The following FBXW7 variants were observed in gnomAD, a reference collection of about 807,000 sequenced individuals.
The protein encoded by FBXW7 is F-box/WD repeat-containing protein 7.
A neutral mutation model predicts 86.3 loss-of-function variants in FBXW7; 11 were observed. The observed-to-expected ratio is 0.13, with a 90% CI of 0.08 to 0.21. FBXW7 has a LOEUF of 0.21. Among genes scored for constraint, FBXW7 ranks in the 10% least tolerant of loss-of-function variants. FBXW7 has a pLI of 1.00. For synonymous variants in FBXW7, 313 were observed against 297.9 expected (o/e 1.05, Z -0.52); for missense variants, 488 against 847.4 (o/e 0.58, Z 5.27).
At chr4:152,520,926 T>C (rs1038548256) in intron 2 of FBXW7, among the ~76,000 whole-genome samples, 1 of 152,216 alleles carries the variant, frequency 6.6e-6, no homozygotes, top group Non-Finnish European at 1.5e-5. Context: ...TTCTAATTCA[T>C]TCAACAAATA....
chr4:152,530,603 T>C (rs1233873921), intron 2 of FBXW7: 1 of 152,244 alleles, frequency 6.6e-6, no homozygotes, highest in African/African-American at 2.4e-5. Context: ...AAGGCAAAAG[T>C]ATTTTGTACA....
intron 2 of FBXW7, among the ~76,000 whole-genome samples, chr4:152,524,397 A>C (rs561224827): frequency 1.3e-5 from 2 of 152,316 alleles, no homozygotes; most frequent in South Asian, 2.1e-4. Context: ...TGTAAGTCAA[A>C]AACTCTTTGG....
chr4:152,467,433 A>G (rs1185730063), intron 2 of FBXW7, among the ~76,000 whole-genome samples: 7 of 152,174 alleles, frequency 4.6e-5, no homozygotes, highest in African/African-American at 1.7e-4. Flanking sequence ...AGTCTTGGGT[A>G]TATGTCTTTA....
intron 4 of FBXW7, among the ~76,000 whole-genome samples, chr4:152,390,217 T>C (rs1735881632): frequency 6.6e-6 from 1 of 152,030 alleles, no homozygotes; most frequent in African/African-American, 2.4e-5. Flanking sequence ...ATTTCTATTA[T>C]TTGTGCCTAA....
intron 2 of FBXW7, among the ~76,000 whole-genome samples, chr4:152,443,631 C>G (rs1348808315): frequency 1.3e-5 from 2 of 151,760 alleles, no homozygotes; most frequent in Non-Finnish European, 2.9e-5. Flanking sequence ...ATTTTTTTCT[C>G]TTCTTTTGAA....
At chr4:152,374,929 C>T (rs149088900) in intron 4 of FBXW7, among the ~76,000 whole-genome samples, 3 of 151,966 alleles carry the variant, frequency 2.0e-5, no homozygotes, top group East Asian at 3.9e-4. Context: ...TTTATATTTC[C>T]GTATGTTAAG....
Position 152,322,887 on chromosome 4 carries a change from C to T in FBXW7, c.2118G>A (p.Met706Ile), listed in dbSNP as rs1728672037. 6.2e-7 allele frequency: 1 copy of T among 1,613,506 alleles called. No homozygotes were observed. Among genetic ancestry groups the T allele is most frequent in the Non-Finnish European group, 8.5e-7 (1 of 1,179,692 alleles). The change falls in exon 14 of 14, where the codon ATG (methionine) becomes ATA (isoleucine). Residue 706 changes from methionine (M) to isoleucine (I), a missense_variant. Physicochemically the swap from Met to Ile is conservative, Grantham distance 10. Transcript: ENST00000281708. ...KLLVLDFDVD[M>I]K ...AATTCATCTTTTCTGCTCTTCACTTCATGTCCACATCAAAGTCCAGCACCA... is the reference window on the plus strand; with the variant it reads ...AATTCATCTTTTCTGCTCTTCACTTTATGTCCACATCAAAGTCCAGCACCA...
chr4:152,441,021 T>G (rs1740848720), intron 2 of FBXW7, among the ~76,000 whole-genome samples: 1 of 152,156 alleles, frequency 6.6e-6, no homozygotes, highest in South Asian at 2.1e-4. Flanking sequence ...TCTTTCTTAT[T>G]GAAATAAAAA....
At chr4:152,366,326 T>C (rs1166626378) in intron 4 of FBXW7, among the ~76,000 whole-genome samples, 4 of 152,154 alleles carry the variant, frequency 2.6e-5, no homozygotes, top group Admixed American at 1.3e-4. Context: ...CTTCTGTACC[T>C]TTAAAATGCC....
intron 2 of FBXW7, among the ~76,000 whole-genome samples, chr4:152,488,285 T>C (rs2149680587): frequency 6.6e-6 from 1 of 152,190 alleles, no homozygotes; most frequent in South Asian, 2.1e-4. Flanking sequence ...ATTTAGTTCT[T>C]CATCATGTTC....
chr4:152,387,620 A>AC lies in FBXW7; in HGVS notation c.501+23682_501+23683insG, dbSNP rs1735640690. On this transcript the variant is annotated intron_variant, in intron 4 of 13. Coordinates refer to ENST00000281708, the MANE Select transcript of FBXW7 (RefSeq NM_001349798.2). The stretch of plus-strand genomic sequence containing the variant: ...TAGCAAAAACTGTAAAAAAAAAAAA[A>AC]AAAACATCCAGCAAGCAACATATTA... 2.0e-5 allele frequency among the ~76,000 whole-genome samples: 3 copies of AC among 151,524 alleles called. No homozygotes were observed. The South Asian group carries it at 6.3e-4, about 32-fold the overall frequency.
At chr4:152,348,616 A>G in intron 5 of FBXW7, 1 of 440,218 alleles carries the variant, frequency 2.3e-6, no homozygotes, top group Non-Finnish European at 3.3e-6. Context: ...GTTCTGTAAT[A>G]AAAATTCAGC....
chr4:152,418,573 C>T (rs1738659452), intron 2 of FBXW7, among the ~76,000 whole-genome samples: 1 of 151,982 alleles, frequency 6.6e-6, no homozygotes, highest in African/African-American at 2.4e-5. Context: ...GATCCTGTTT[C>T]TGAATGTTCT....
chr4:152,352,403 A>G (rs2126659761), intron 4 of FBXW7: 1 of 1,594,602 alleles, frequency 6.3e-7, no homozygotes, highest in Non-Finnish European at 8.6e-7. Context: ...CTGATGATAC[A>G]GATTTTCCTT....
intron 5 of FBXW7, chr4:152,348,623 C>A: frequency 2.1e-6 from 1 of 482,846 alleles, no homozygotes; most frequent in South Asian, 3.6e-5. Context: ...AATAAAAATT[C>A]AGCACTCATT....
intron 4 of FBXW7, among the ~76,000 whole-genome samples, chr4:152,391,268 T>C (rs1166443752): frequency 6.6e-6 from 1 of 152,134 alleles, no homozygotes; most frequent in South Asian, 2.1e-4. Flanking sequence ...AACTTAATTC[T>C]TGGACGGGCT....
rs977943372 is a variant in FBXW7 at position 152,321,552 on chromosome 4, T to G, written c.*1329A>C. The G allele has an allele frequency of 2.1e-5, 5 of 233,088 alleles. No homozygotes were observed. The highest frequency in any genetic ancestry group is 1.1e-4 in the African/African-American group (5 of 45,316). The allele number at this position is 233,088 out of a possible 1,614,324, so 14.4% of individuals were successfully genotyped here. A position where few individuals can be genotyped will look rare whatever the true frequency, so the allele number is the denominator to read the frequency against. On this transcript the variant is annotated 3_prime_UTR_variant, in exon 14 of 14. Coordinates refer to ENST00000281708, the MANE Select transcript of FBXW7 (RefSeq NM_001349798.2). Reference sequence around the variant, plus strand: ...GAATGAGGCAAACCATTTGACTGTTTCATTCATTTTGTTTGTTTGCATGTG... The same window carrying G: ...GAATGAGGCAAACCATTTGACTGTTGCATTCATTTTGTTTGTTTGCATGTG...
At chr4:152,407,406 A>C (rs78753418) in intron 4 of FBXW7, among the ~76,000 whole-genome samples, 2,082 of 152,302 alleles carry the variant, frequency 0.014, 26 homozygotes, top group Middle Eastern at 0.037. Context: ...CTGGACATGT[A>C]TATACCAAAC....
intron 4 of FBXW7, among the ~76,000 whole-genome samples, chr4:152,355,224 C>A (rs1456944605): frequency 6.6e-6 from 1 of 151,936 alleles, no homozygotes. Flanking sequence ...TTATACCACT[C>A]GGCTAAAATA....
Sources: gnomAD v4.1 joint callset for allele counts (sites outside exome capture counted in the v4.1 genomes callset) on GRCh38, gnomAD v4.1.1 for gene constraint, MANE v1.5 for transcripts, NCBI Gene and HGNC (gene_info 2026-07-23, HGNC 2026-07-21) for gene names.